CNOT6: variants seen among roughly 807,000 people sequenced by gnomAD.
CNOT6 encodes the protein carbon catabolite repression 4 protein.
A neutral mutation model predicts 61.2 loss-of-function variants in CNOT6; 12 were observed. The observed-to-expected ratio is 0.20, with a 90% CI of 0.13 to 0.32. The LOEUF is 0.32. Among genes scored for constraint, CNOT6 ranks in the 10% least tolerant of loss-of-function variants. The pLI is 1.00. For synonymous variants in CNOT6, 225 were observed against 240.6 expected, an observed-to-expected ratio of 0.94 and a Z score of 0.60; for missense variants, 405 against 663.9, an observed-to-expected ratio of 0.61 and a Z score of 4.28.
chr5:180,572,639 T>A (rs11956639), intron 11 of CNOT6, among the ~76,000 whole-genome samples: 2,746 of 152,284 alleles, frequency 0.018, 72 homozygotes, highest in African/African-American at 0.062. Flanking sequence ...AGCCTCAAAC[T>A]CTCGGGCTCA....
chr5:180,497,771 C>T (rs574401220), intron 1 of CNOT6, among the ~76,000 whole-genome samples: 4 of 152,182 alleles, frequency 2.6e-5, no homozygotes, highest in East Asian at 1.9e-4. Flanking sequence ...AGACTGGGCG[C>T]GGTGGCTCAT....
chr5:180,518,507 G>A (rs951099070), intron 1 of CNOT6, among the ~76,000 whole-genome samples: 1 of 151,864 alleles, frequency 6.6e-6, no homozygotes, highest in Non-Finnish European at 1.5e-5. Flanking sequence ...GTGTGTGTGG[G>A]GGGGAGGAGG....
chr5:180,526,081 G>A (rs1758090065), intron 1 of CNOT6, among the ~76,000 whole-genome samples: 1 of 152,192 alleles, frequency 6.6e-6, no homozygotes. Context: ...TTATAGGCGT[G>A]AGCCATTGTG....
chr5:180,561,356 T>TG (rs1760173264), intron 4 of CNOT6, among the ~76,000 whole-genome samples: 2 of 144,748 alleles, frequency 1.4e-5, no homozygotes, highest in Non-Finnish European at 3.0e-5. Context: ...CTTGTGTGTT[T>TG]TGTGTGTGTG....
At chr5:180,545,976 G>A (rs1251925517) in intron 2 of CNOT6, among the ~76,000 whole-genome samples, 1 of 152,138 alleles carries the variant, frequency 6.6e-6, no homozygotes, top group Non-Finnish European at 1.5e-5. Context: ...CTTTGGTGAA[G>A]TGTCTGTTAG....
intron 4 of CNOT6, among the ~76,000 whole-genome samples, chr5:180,560,990 T>C (rs952000010): frequency 6.6e-6 from 1 of 151,964 alleles, no homozygotes; most frequent in Admixed American, 6.6e-5. Flanking sequence ...AGAGACGAGG[T>C]CTCGGGCTGG....
At position 180,556,079 on chromosome 5, in the gene CNOT6, C is replaced by T. The variant is rs541516259; in HGVS notation, c.385+2608C>T. Among the ~76,000 whole-genome samples, 9 of 152,290 alleles carry T rather than the reference C, an allele frequency of 5.9e-5. No homozygotes were observed. In the East Asian group the frequency reaches 1.7e-3, roughly 29 times the overall value. ...AATCCTATCCCCTTTACCCAACTCC[C>T]TCCAATAGTAGCATCTTTCAAAACT... On this transcript the variant is annotated intron_variant, in intron 4 of 11. Transcript: ENST00000261951.
At chr5:180,571,923 TTG>T (rs1250314265) in intron 11 of CNOT6, among the ~76,000 whole-genome samples, 2 of 151,590 alleles carry the variant, frequency 1.3e-5, no homozygotes, top group African/African-American at 4.8e-5. Context: ...CATCCTTACT[TTG>T]TAGATATTTA....
At chr5:180,546,189 C>G (rs913661864) in intron 2 of CNOT6, among the ~76,000 whole-genome samples, 2 of 152,140 alleles carry the variant, frequency 1.3e-5, no homozygotes, top group African/African-American at 4.8e-5. Flanking sequence ...CCACCGCACC[C>G]AGCCCAACCA....
intron 4 of CNOT6, among the ~76,000 whole-genome samples, chr5:180,554,215 C>G (rs1759759408): frequency 6.6e-6 from 1 of 152,208 alleles, no homozygotes; most frequent in South Asian, 2.1e-4. Flanking sequence ...GCCAAGAGTT[C>G]AAGACCAGCA....
chr5:180,503,694 A>T (rs1231719256), intron 1 of CNOT6, among the ~76,000 whole-genome samples: 2 of 129,964 alleles, frequency 1.5e-5, no homozygotes, highest in African/African-American at 6.0e-5. Context: ...TGACCTCTGC[A>T]TCCCGGGTTC....
chr5:180,539,869 G>A (rs919313908), intron 2 of CNOT6, among the ~76,000 whole-genome samples: 2 of 151,990 alleles, frequency 1.3e-5, no homozygotes, highest in African/African-American at 4.8e-5. Flanking sequence ...GATTACAGGC[G>A]TGAGCCACCG....
chr5:180,544,374 A>T (rs1759201149), intron 2 of CNOT6, among the ~76,000 whole-genome samples: 1 of 152,156 alleles, frequency 6.6e-6, no homozygotes, highest in South Asian at 2.1e-4. Context: ...CTGTTTTCAT[A>T]TTTGAATTCT....
chr5:180,559,024 T>G (rs1214724814), intron 4 of CNOT6, among the ~76,000 whole-genome samples: 5 of 152,232 alleles, frequency 3.3e-5, no homozygotes, highest in African/African-American at 4.8e-5. Flanking sequence ...TGTTGAAGTT[T>G]GTTTGATGGC....
At chr5:180,524,983 C>T (rs1758032747) in intron 1 of CNOT6, among the ~76,000 whole-genome samples, 3 of 152,184 alleles carry the variant, frequency 2.0e-5, no homozygotes, top group Non-Finnish European at 2.9e-5. Flanking sequence ...TAGGTTATTA[C>T]TGATACATGC....
In CNOT6 at chr5:180,501,810, G is replaced by A. The variant is rs1028694930; in HGVS notation, c.-3+7047G>A. Among the ~76,000 whole-genome samples, 11 of 152,142 alleles carry A rather than the reference G, an allele frequency of 7.2e-5. 1 individual carries two copies. The highest frequency in any genetic ancestry group is 2.2e-4 in the African/African-American group (9 of 41,428). On this transcript the variant is annotated intron_variant, in intron 1 of 11. Transcript: ENST00000261951. ...AGGAGAGAGTAACGCTACAGATGCCGAGAGAGGTCATAGTGCCAAGAAAGA... is the reference window on the plus strand; with the variant it reads ...AGGAGAGAGTAACGCTACAGATGCCAAGAGAGGTCATAGTGCCAAGAAAGA...
intron 4 of CNOT6, among the ~76,000 whole-genome samples, chr5:180,554,340 C>T (rs189452380): frequency 2.2e-4 from 34 of 151,350 alleles, no homozygotes; most frequent in Non-Finnish European, 4.3e-4. Flanking sequence ...CTTGCTTGAA[C>T]CTGGGAAGCA....
rs758747100 is a variant in CNOT6 at position 180,533,774 on chromosome 5, G to A, written c.112+4386G>A. 3.3e-5 allele frequency among the ~76,000 whole-genome samples: 5 copies of A among 152,110 alleles called. No individual in the cohort carries two copies. In the East Asian group the frequency reaches 7.7e-4, roughly 23 times the overall value. ...TATAGATTTAGGAGGTATAAGTACA[G>A]TTTTCTTTTTTATATTTTAACAATC... On this transcript the variant is annotated intron_variant, in intron 2 of 11. Transcript: ENST00000261951.
chr5:180,538,578 G>C (rs1444707534), intron 2 of CNOT6, among the ~76,000 whole-genome samples: 1 of 151,044 alleles, frequency 6.6e-6, no homozygotes, highest in Non-Finnish European at 1.5e-5. Context: ...GTCCTAGCTA[G>C]TCAGGAGGCC....
Sources: gnomAD v4.1 joint callset for allele counts (sites outside exome capture counted in the v4.1 genomes callset) on GRCh38, gnomAD v4.1.1 for gene constraint, MANE v1.5 for transcripts, NCBI Gene and HGNC (gene_info 2026-07-23, HGNC 2026-07-21) for gene names.